Variants in WDR72 observed in about 807,000 individuals in gnomAD.
The protein encoded by WDR72 is WD repeat domain 72, also known as WD repeat-containing protein 72.
Under a neutral mutation model 124.2 loss-of-function variants are expected in WDR72, and 120 were observed. That is an observed-to-expected ratio of 0.97 (90% CI 0.83 to 1.12). The LOEUF (loss-of-function observed/expected upper bound fraction) is 1.12. WDR72 is among the 50% of genes most tolerant of loss of function. The pLI is 0.00. For synonymous variants in WDR72, 452 were observed against 441.7 expected (o/e 1.02, Z -0.29); for missense variants, 1,387 against 1,278.8 (o/e 1.08, Z -1.29).
At chr15:53,746,211 G>C (rs2018640247) in intron 1 of WDR72, among the ~76,000 whole-genome samples, 2 of 152,118 alleles carry the variant, frequency 1.3e-5, no homozygotes, top group South Asian at 4.1e-4. Context: ...GTAACAATTT[G>C]TTTTTATCTT....
At chr15:53,703,132 T>G (rs978310794) in intron 11 of WDR72, among the ~76,000 whole-genome samples, 26 of 152,110 alleles carry the variant, frequency 1.7e-4, no homozygotes, top group African/African-American at 6.3e-4. Flanking sequence ...CACACTGGTC[T>G]CAAACTCCTG....
intron 18 of WDR72, among the ~76,000 whole-genome samples, chr15:53,576,829 T>C (rs1363581331): frequency 3.3e-5 from 5 of 152,140 alleles, no homozygotes; most frequent in Non-Finnish European, 7.3e-5. Context: ...GGCAATTTAG[T>C]GTGGTTTCTC....
At chr15:53,667,677 C>T (rs911340817) in intron 13 of WDR72, among the ~76,000 whole-genome samples, 4 of 152,092 alleles carry the variant, frequency 2.6e-5, no homozygotes, top group Admixed American at 2.0e-4. Flanking sequence ...TCTTTGAATA[C>T]GGTATCATCC....
intron 14 of WDR72, among the ~76,000 whole-genome samples, chr15:53,656,370 T>C (rs2140435993): frequency 6.6e-6 from 1 of 152,336 alleles, no homozygotes; most frequent in African/African-American, 2.4e-5. Flanking sequence ...TGGATGTATT[T>C]TTTTAATAAG....
At chr15:53,754,406 C>A (rs981221707) in intron 1 of WDR72, among the ~76,000 whole-genome samples, 3 of 152,006 alleles carry the variant, frequency 2.0e-5, no homozygotes, top group Non-Finnish European at 4.4e-5. Context: ...TACAGGCCAA[C>A]AAAAACCAGG....
At position 53,665,496 on chromosome 15, in the gene WDR72, A is replaced by G. The variant is rs1322661815; in HGVS notation, c.1962+76T>C. 6 of 1,506,718 alleles carry G rather than the reference A, an allele frequency of 4.0e-6. No individual in the cohort carries two copies. The African/African-American group carries it at 6.9e-5, about 17-fold the overall frequency. 93.3% of individuals were successfully genotyped at this position (1,506,718 alleles called of 1,614,324 possible). A position where few individuals can be genotyped will look rare whatever the true frequency, so the allele number is the denominator to read the frequency against. The stretch of plus-strand genomic sequence containing the variant: ...GTTTTCATGCTGATACTTAAGTGCC[A>G]TGTATTTATGAATGCATATAACTTC... On this transcript the variant is annotated intron_variant, in intron 14 of 19. Transcript: ENST00000360509.
rs149436323 is a variant in WDR72, at chr15:53,649,424, G to GAAAGC, written c.1962+16143_1962+16147dup. 4.7e-3 allele frequency among the ~76,000 whole-genome samples: 716 copies of GAAAGC among 152,108 alleles called. 3 individuals are homozygous for GAAAGC. Among genetic ancestry groups the GAAAGC allele is most frequent in the African/African-American group, 0.016 (680 of 41,494 alleles). On this transcript the variant is annotated intron_variant, in intron 14 of 19. Coordinates refer to ENST00000360509, the MANE Select transcript of WDR72 (RefSeq NM_182758.4). ...GGCAAAAATGCAATATAAATATAAA[G>GAAAGC]AAAGCAATTTTATGTGTTAAATCCC...
At chr15:53,558,888 A>G (rs961971408) in intron 18 of WDR72, among the ~76,000 whole-genome samples, 2 of 152,014 alleles carry the variant, frequency 1.3e-5, no homozygotes, top group African/African-American at 4.8e-5. Context: ...AAGTCTCTTA[A>G]TGAAACTTAA....
At chr15:53,548,644 CT>C (rs397947951) in intron 18 of WDR72, among the ~76,000 whole-genome samples, 447 of 135,028 alleles carry the variant, frequency 3.3e-3, no homozygotes, top group Middle Eastern at 4.1e-3. Flanking sequence ...ATGAACTGTG[CT>C]TTTTTTTTTT....
chr15:53,585,229 C>A (rs1430233151), intron 18 of WDR72, among the ~76,000 whole-genome samples: 1 of 151,984 alleles, frequency 6.6e-6, no homozygotes, highest in Admixed American at 6.6e-5. Flanking sequence ...CCTCAGGAAA[C>A]TCACAAACAT....
intron 18 of WDR72, among the ~76,000 whole-genome samples, chr15:53,586,896 CCTT>C (rs945591421): frequency 1.8e-4 from 27 of 152,038 alleles, no homozygotes; most frequent in African/African-American, 6.5e-4. Flanking sequence ...GGTTTCATCT[CCTT>C]CTGAACTTTT....
Position 53,548,027 on chromosome 15 carries a change from A to G in WDR72, c.3149-24705T>C, listed in dbSNP as rs147304060. 1.5e-3 allele frequency among the ~76,000 whole-genome samples: 236 copies of G among 152,358 alleles called. 3 individuals are homozygous for G. The highest frequency in any genetic ancestry group is 5.5e-3 in the African/African-American group (227 of 41,590). On this transcript the variant is annotated intron_variant, in intron 18 of 19. Coordinates refer to ENST00000360509, the MANE Select transcript of WDR72 (RefSeq NM_182758.4). ...TTGACCACTTGAATGACTTCTTTGT[A>G]CTTGACCACTTGGATTTGTCTGCCA...
chr15:53,748,318 T>C (rs1044644670), intron 1 of WDR72, among the ~76,000 whole-genome samples: 2 of 152,170 alleles, frequency 1.3e-5, no homozygotes, highest in African/African-American at 4.8e-5. Flanking sequence ...GCCTAATATC[T>C]CTCTTTAAAT....
rs551703738 is a variant in WDR72 at position 53,663,062 on chromosome 15, C to T, written c.1962+2510G>A. Among the ~76,000 whole-genome samples the T allele has an allele frequency of 2.1e-4, 32 of 149,190 alleles. No homozygotes were observed. In the East Asian group the frequency reaches 5.7e-3, roughly 26 times the overall value. On this transcript the variant is annotated intron_variant, in intron 14 of 19. Coordinates refer to ENST00000360509, the MANE Select transcript of WDR72 (RefSeq NM_182758.4). ...GTGATTGTGCTGGAGTGCAGTGGCA[C>T]GATCTCTAAAAATAAGACCCTGCCT...
At chr15:53,750,736 T>G (rs2018754240) in intron 1 of WDR72, among the ~76,000 whole-genome samples, 1 of 152,156 alleles carries the variant, frequency 6.6e-6, no homozygotes, top group South Asian at 2.1e-4. Context: ...TGAGAAGAAG[T>G]TGATTCCAAC....
chr15:53,663,546 G>C (rs2015677920), intron 14 of WDR72, among the ~76,000 whole-genome samples: 1 of 152,104 alleles, frequency 6.6e-6, no homozygotes. Flanking sequence ...TCAAGAGAGT[G>C]AAATAAATAT....
rs766801122 is a variant in WDR72 at position 53,699,921 on chromosome 15, A to G, written c.1594T>C (p.Cys532Arg). Reference protein sequence around the residue: ...FKLRGEQIICCVCGDHSVALL... With the variant: ...FKLRGEQIICRVCGDHSVALL... ...GCCACGGAATGGTCACCGCACACAC[A>G]GCAAATTATCTGCTCACCCCTTAGC... Residue 532 changes from cysteine (C) to arginine (R), a missense_variant, in exon 13 of 20, where the codon TGT becomes CGT. Physicochemically the swap from Cys to Arg is radical, Grantham distance 180. Coordinates refer to ENST00000360509, the MANE Select transcript of WDR72 (RefSeq NM_182758.4). 2.5e-6 allele frequency: 4 copies of G among 1,614,236 alleles called. No homozygotes were observed. The South Asian group carries it at 4.4e-5, about 18-fold the overall frequency.
chr15:53,571,588 T>C (rs532311488), intron 18 of WDR72, among the ~76,000 whole-genome samples: 1 of 152,270 alleles, frequency 6.6e-6, no homozygotes, highest in East Asian at 1.9e-4. Context: ...TGATTATATA[T>C]GTCACATTTT....
intron 1 of WDR72, among the ~76,000 whole-genome samples, chr15:53,744,236 G>A (rs2018585985): frequency 6.6e-6 from 1 of 152,104 alleles, no homozygotes; most frequent in African/African-American, 2.4e-5. Flanking sequence ...CTTTCAACCT[G>A]GTGTATACGA....
Sources: allele counts gnomAD v4.1 joint callset (sites outside exome capture counted in the v4.1 genomes callset), GRCh38; gene constraint gnomAD v4.1.1; transcripts MANE v1.5; gene names NCBI Gene and HGNC (gene_info 2026-07-23, HGNC 2026-07-21).